OSMR: variants seen among roughly 807,000 people sequenced by gnomAD.
OSMR encodes the protein oncostatin-M-specific receptor subunit beta.
A neutral mutation model predicts 99.9 loss-of-function variants in OSMR; 81 were observed. The observed-to-expected ratio is 0.81, with a 90% CI of 0.68 to 0.97. The LOEUF is 0.97. OSMR is among the 50% of genes least tolerant of loss of function. The probability of loss-of-function intolerance (pLI) is 0.00; values close to 1 mark genes in which losing one functional copy is unlikely to be tolerated. For missense variants in OSMR, 1,099 were observed against 1,153.4 expected, an observed-to-expected ratio of 0.95 and a Z score of 0.68; for synonymous variants, 406 against 410.4, an observed-to-expected ratio of 0.99 and a Z score of 0.13.
At chr5:38,920,292 G>C (rs928586725) in intron 11 of OSMR, among the ~76,000 whole-genome samples, 1 of 152,158 alleles carries the variant, frequency 6.6e-6, no homozygotes, top group Non-Finnish European at 1.5e-5. Flanking sequence ...TGTACTATGA[G>C]AAAACCAGTA....
At chr5:38,945,177 A>G, downstream of OSMR, 1 of 819,824 alleles carries the variant, frequency 1.2e-6, no homozygotes, top group East Asian at 2.7e-5. Context: ...CTCTAATTGT[A>G]TGCAATATAC....
chr5:38,915,831 A>G (rs1745861185), intron 9 of OSMR, among the ~76,000 whole-genome samples: 1 of 152,222 alleles, frequency 6.6e-6, no homozygotes, highest in African/African-American at 2.4e-5. Flanking sequence ...GTAGAGAGAT[A>G]AAGATGTTTT....
chr5:38,857,323 A>C (rs1263491366), intron 1 of OSMR, among the ~76,000 whole-genome samples: 1 of 152,176 alleles, frequency 6.6e-6, no homozygotes, highest in Non-Finnish European at 1.5e-5. Context: ...TATGAATGTG[A>C]AGAGGATGAT....
intron 3 of OSMR, among the ~76,000 whole-genome samples, chr5:38,876,963 T>G: frequency 6.6e-6 from 1 of 152,222 alleles, no homozygotes; most frequent in Non-Finnish European, 1.5e-5. Flanking sequence ...TTTTTGTCTT[T>G]GAATTCTTTG....
At chr5:38,935,826 C>T (rs933610387), downstream of OSMR, among the ~76,000 whole-genome samples, 4 of 151,988 alleles carry the variant, frequency 2.6e-5, no homozygotes, top group African/African-American at 9.7e-5. Flanking sequence ...AGGCATTCAT[C>T]TACACACTAA....
chr5:38,940,083 A>C, downstream of OSMR: 1 of 217,470 alleles, frequency 4.6e-6, no homozygotes, highest in Non-Finnish European at 9.1e-6. Context: ...AGTAAGTGAT[A>C]TAGGCAGATA....
In OSMR at chr5:38,919,174, T is replaced by C. The variant is rs767149159; in HGVS notation, c.1585+112T>C. 73 of 1,547,700 alleles carry C rather than the reference T, an allele frequency of 4.7e-5. No homozygotes were observed. The South Asian group carries it at 8.2e-4, about 17-fold the overall frequency. On this transcript the variant is annotated intron_variant, in intron 11 of 17. Transcript: ENST00000274276. The stretch of plus-strand genomic sequence containing the variant: ...CAATAACTTAGGAAGACAAAATGTC[T>C]AGTCACTAAACAGTCATTTTCTTTT...
At chr5:38,923,360 G>A (rs368576601) in intron 13 of OSMR, 106 bp downstream of exon 13, 1 of 725,764 alleles carries the variant, frequency 1.4e-6, no homozygotes, top group African/African-American at 1.8e-5. Context: ...CCCAACTTTT[G>A]GTATCCCATT....
chr5:38,944,855 A>AACAAC, intron 2 of OSMR: 1 of 1,516,264 alleles, frequency 6.6e-7, no homozygotes, highest in Non-Finnish European at 9.1e-7. Context: ...AACAAAACAA[A>AACAAC]ACCAACTAAT....
intron 12 of OSMR, among the ~76,000 whole-genome samples, chr5:38,922,032 GT>G (rs1746260672): frequency 6.6e-6 from 1 of 152,148 alleles, no homozygotes; most frequent in Non-Finnish European, 1.5e-5. Flanking sequence ...TCATAAACTT[GT>G]TTCTTTAAAT....
intron 1 of OSMR, among the ~76,000 whole-genome samples, chr5:38,853,867 T>C (rs1740644625): frequency 6.6e-6 from 1 of 151,732 alleles, no homozygotes; most frequent in African/African-American, 2.4e-5. Context: ...AGAGGTGGGG[T>C]GTGGGGGACG....
At chr5:38,899,823 C>G (rs1300982928) in intron 7 of OSMR, among the ~76,000 whole-genome samples, 1 of 152,184 alleles carries the variant, frequency 6.6e-6, no homozygotes, top group African/African-American at 2.4e-5. Context: ...CTCTTCTCCT[C>G]ACGCAGAAGG....
chr5:38,908,704 T>C (rs1399827935), intron 9 of OSMR, among the ~76,000 whole-genome samples: 1 of 152,102 alleles, frequency 6.6e-6, no homozygotes, highest in Non-Finnish European at 1.5e-5. Context: ...ACTGAACCCA[T>C]CTTATATCAA....
chr5:38,921,879 TTGAC>T lies in OSMR; in HGVS notation c.1765+88_1765+91del. 4 of 1,143,340 alleles carry T rather than the reference TTGAC, an allele frequency of 3.5e-6. No homozygotes were observed. In the South Asian group the frequency reaches 3.8e-5, roughly 11 times the overall value. 70.8% of individuals were successfully genotyped at this position (1,143,340 alleles called of 1,614,324 possible). A position where few individuals can be genotyped will look rare whatever the true frequency, so the allele number is the denominator to read the frequency against. ...GGATTTCTGGACTACTTCACAGACT[TTGAC>T]TGTGCTAAGCTAGTAATTTTGAAAC... On this transcript the variant is annotated intron_variant, in intron 12 of 17. Coordinates refer to ENST00000274276, the MANE Select transcript of OSMR (RefSeq NM_003999.3).
chr5:38,938,229 C>T (rs1399010088), downstream of OSMR: 16 of 223,646 alleles, frequency 7.2e-5, no homozygotes, highest in Non-Finnish European at 5.4e-5. Context: ...TATGTAGCAG[C>T]GTATTACTAA....
In OSMR at chr5:38,924,359, C is replaced by T. The variant is rs1746371712; in HGVS notation, c.1871-63C>T. 4 of 1,610,594 alleles carry T rather than the reference C, an allele frequency of 2.5e-6. No homozygotes were observed. In the African/African-American group the frequency reaches 5.3e-5, roughly 22 times the overall value. On this transcript the variant is annotated intron_variant, in intron 13 of 17. Transcript: ENST00000274276. ...TGGCTATGGTTCTTCTATTAGTTGA[C>T]ATGAATATTCTGAGACTGTTTCCAA...
intron 15 of OSMR, among the ~76,000 whole-genome samples, chr5:38,925,709 A>T (rs1746445186): frequency 6.6e-6 from 1 of 152,232 alleles, no homozygotes; most frequent in Non-Finnish European, 1.5e-5. Context: ...TTTAGTGTTG[A>T]CATCAGAAGA....
At chr5:38,889,188 A>T (rs1353474062) in intron 7 of OSMR, among the ~76,000 whole-genome samples, 1 of 152,050 alleles carries the variant, frequency 6.6e-6, no homozygotes, top group Admixed American at 6.5e-5. Context: ...TTCTTTCAAT[A>T]TGTAGTATCA....
chr5:38,912,271 A>C (rs1020843117), intron 9 of OSMR, among the ~76,000 whole-genome samples: 7 of 152,200 alleles, frequency 4.6e-5, no homozygotes, highest in African/African-American at 1.7e-4. Context: ...TAGTATTTCT[A>C]TACACCAATA....
Sources: allele counts gnomAD v4.1 joint callset (sites outside exome capture counted in the v4.1 genomes callset), GRCh38; gene constraint gnomAD v4.1.1; transcripts MANE v1.5; gene names NCBI Gene and HGNC (gene_info 2026-07-23, HGNC 2026-07-21).